Variants in LAMA2 observed in about 807,000 individuals in gnomAD.
LAMA2 encodes laminin subunit alpha 2.
LAMA2 carries 269 observed loss-of-function variants against 364.8 expected under a neutral mutation model. The ratio of observed to expected loss-of-function variants is 0.74; its 90% confidence interval spans 0.67 to 0.82. The LOEUF is 0.82. LAMA2 is among the 40% of genes least tolerant of loss of function. The probability of loss-of-function intolerance (pLI) is 0.00; values close to 1 mark genes in which losing one functional copy is unlikely to be tolerated. For missense variants in LAMA2, 3,807 were observed against 3,873.2 expected (o/e 0.98, Z 0.45); for synonymous variants, 1,379 against 1,370.6 (o/e 1.01, Z -0.14).
At chr6:128,980,035 AC>A (rs1363167815) in intron 1 of LAMA2, among the ~76,000 whole-genome samples, 2 of 152,270 alleles carry the variant, frequency 1.3e-5, no homozygotes, top group African/African-American at 4.8e-5. Context: ...CAAACAACAA[AC>A]TTTTTTCTCC....
chr6:129,508,912 T>A (rs1379005627), intron 62 of LAMA2, among the ~76,000 whole-genome samples: 1 of 152,156 alleles, frequency 6.6e-6, no homozygotes, highest in Non-Finnish European at 1.5e-5. Flanking sequence ...TTTTTGGTGT[T>A]TTGAGGAACC....
intron 1 of LAMA2, among the ~76,000 whole-genome samples, chr6:128,921,561 G>A (rs926958183): frequency 1.3e-5 from 2 of 152,128 alleles, no homozygotes; most frequent in Non-Finnish European, 2.9e-5. Context: ...GCAGAGATGG[G>A]AGTGGTGCAT....
intron 8 of LAMA2, chr6:129,158,429 G>A (rs1779254988): frequency 6.2e-7 from 1 of 1,613,768 alleles, no homozygotes; most frequent in South Asian, 1.1e-5. Flanking sequence ...GAATCTGTTT[G>A]GCAATAGTTC....
At chr6:129,412,633 AT>A (rs1182085348) in intron 40 of LAMA2, among the ~76,000 whole-genome samples, 1 of 152,214 alleles carries the variant, frequency 6.6e-6, no homozygotes, top group Admixed American at 6.5e-5. Context: ...AATCAGGGTA[AT>A]TATCACCAGC....
chr6:129,203,322 T>C (rs1348461832), intron 12 of LAMA2, among the ~76,000 whole-genome samples: 1 of 152,238 alleles, frequency 6.6e-6, no homozygotes, highest in Non-Finnish European at 1.5e-5. Context: ...TCCAGTGGAT[T>C]GTTGGTTCTG....
chr6:129,199,724 T>C (rs1782066877), intron 12 of LAMA2, among the ~76,000 whole-genome samples: 1 of 152,062 alleles, frequency 6.6e-6, no homozygotes. Context: ...ATAATAGCAA[T>C]ACATATAAAT....
intron 12 of LAMA2, among the ~76,000 whole-genome samples, chr6:129,239,937 C>A (rs755826294): frequency 1.2e-4 from 18 of 152,116 alleles, no homozygotes; most frequent in Non-Finnish European, 2.2e-4. Context: ...AGGTGAAGTC[C>A]CACAATAGGC....
At chr6:129,302,031 G>C (rs980634392) in intron 22 of LAMA2, among the ~76,000 whole-genome samples, 1 of 152,110 alleles carries the variant, frequency 6.6e-6, no homozygotes, top group African/African-American at 2.4e-5. Flanking sequence ...GTAATGTACA[G>C]TGACTTGCTT....
At chr6:129,377,417 A>G (rs1479330369) in intron 34 of LAMA2, among the ~76,000 whole-genome samples, 1 of 152,010 alleles carries the variant, frequency 6.6e-6, no homozygotes, top group Non-Finnish European at 1.5e-5. Flanking sequence ...AAAACAAGTC[A>G]TATCTTTTTG....
At chr6:129,480,968 C>A (rs369051362) in intron 54 of LAMA2, among the ~76,000 whole-genome samples, 44 of 67,320 alleles carry the variant, frequency 6.5e-4, no homozygotes, top group Non-Finnish European at 6.2e-4. Flanking sequence ...ACAACAACAA[C>A]AAAAAAAGGT....
chr6:129,398,972 A>T (rs1423259745), intron 37 of LAMA2, among the ~76,000 whole-genome samples: 1 of 152,212 alleles, frequency 6.6e-6, no homozygotes, highest in African/African-American at 2.4e-5. Flanking sequence ...GATATGTAAT[A>T]AATGGTATGT....
intron 58 of LAMA2, among the ~76,000 whole-genome samples, chr6:129,492,714 A>G (rs552989439): frequency 5.9e-5 from 9 of 152,352 alleles, no homozygotes; most frequent in Non-Finnish European, 4.4e-5. Flanking sequence ...AAACACAGAA[A>G]TATCCAGAAT....
chr6:128,973,108 T>C (rs1479396300), intron 1 of LAMA2, among the ~76,000 whole-genome samples: 2 of 152,140 alleles, frequency 1.3e-5, no homozygotes, highest in Admixed American at 6.6e-5. Flanking sequence ...GTTCCTAAAA[T>C]TGGTAATTCA....
chr6:129,290,337 T>G (rs1464632846), intron 19 of LAMA2, among the ~76,000 whole-genome samples: 1 of 152,164 alleles, frequency 6.6e-6, no homozygotes, highest in Non-Finnish European at 1.5e-5. Context: ...TTTCAGCCTT[T>G]CCTTGTATTT....
intron 37 of LAMA2, among the ~76,000 whole-genome samples, chr6:129,399,273 A>G (rs1204170612): frequency 6.6e-6 from 1 of 152,222 alleles, no homozygotes; most frequent in Non-Finnish European, 1.5e-5. Context: ...AGTTAAAATT[A>G]CAGTGTTACT....
intron 1 of LAMA2, among the ~76,000 whole-genome samples, chr6:128,905,869 T>C (rs776586897): frequency 1.3e-5 from 2 of 151,922 alleles, no homozygotes; most frequent in Admixed American, 1.3e-4. Flanking sequence ...CCACCTATGA[T>C]TGAGAACATG....
At chr6:128,903,628 T>C (rs758136683) in intron 1 of LAMA2, among the ~76,000 whole-genome samples, 4 of 152,240 alleles carry the variant, frequency 2.6e-5, no homozygotes, top group African/African-American at 4.8e-5. Flanking sequence ...CATTAAGCTG[T>C]AATTGTAGCT....
At chr6:129,510,748 G>C (rs991557204) in intron 62 of LAMA2, among the ~76,000 whole-genome samples, 8 of 152,042 alleles carry the variant, frequency 5.3e-5, no homozygotes, top group Non-Finnish European at 1.2e-4. Context: ...TTTGAGCAAG[G>C]CTTCAGGTGA....
intron 1 of LAMA2, among the ~76,000 whole-genome samples, chr6:129,015,706 G>A (rs191142883): frequency 3.3e-4 from 50 of 152,154 alleles, no homozygotes; most frequent in Admixed American, 3.3e-4. Context: ...TATGTAGTCT[G>A]CACTAGGAAT....
Sources: allele counts gnomAD v4.1 joint callset (sites outside exome capture counted in the v4.1 genomes callset), GRCh38; gene constraint gnomAD v4.1.1; transcripts MANE v1.5; gene names NCBI Gene and HGNC (gene_info 2026-07-23, HGNC 2026-07-21).